The following MCPH1 variants were observed in gnomAD, a reference collection of about 807,000 sequenced individuals.
MCPH1 encodes microcephalin 1.
Under a neutral mutation model 84.5 loss-of-function variants are expected in MCPH1, and 104 were observed. That is an observed-to-expected ratio of 1.23 (90% CI 1.05 to 1.45). The LOEUF is 1.45. MCPH1 is among the 40% of genes most tolerant of loss of function. The pLI is 0.00. For missense variants in MCPH1, 1,498 were observed against 1,005.7 expected (o/e 1.49, Z -6.62); for synonymous variants, 514 against 366.8 (o/e 1.40, Z -4.58).
intron 11 of MCPH1, among the ~76,000 whole-genome samples, chr8:6,489,705 G>C (rs1424779472): frequency 6.6e-6 from 1 of 152,204 alleles, no homozygotes; most frequent in Non-Finnish European, 1.5e-5. Context: ...ATGGGGCACT[G>C]TGAAGTGTGA....
At chr8:6,447,191 C>G (rs1185692675) in intron 8 of MCPH1, 2 of 985,270 alleles carry the variant, frequency 2.0e-6, no homozygotes, top group Non-Finnish European at 2.4e-6. Flanking sequence ...AAAGATTCAT[C>G]AATGTTTTAA....
intron 12 of MCPH1, among the ~76,000 whole-genome samples, chr8:6,565,413 G>A (rs1487259105): frequency 2.0e-5 from 3 of 152,056 alleles, no homozygotes; most frequent in Non-Finnish European, 2.9e-5. Context: ...CACATATGTG[G>A]TTTTACCTTT....
At chr8:6,575,459 C>A (rs1425516087) in intron 12 of MCPH1, among the ~76,000 whole-genome samples, 1 of 152,000 alleles carries the variant, frequency 6.6e-6, no homozygotes, top group African/African-American at 2.4e-5. Flanking sequence ...TAAAGAAGAC[C>A]CAGGGTGGTC....
intron 12 of MCPH1, among the ~76,000 whole-genome samples, chr8:6,514,078 G>T (rs1024041365): frequency 1.3e-5 from 2 of 152,166 alleles, no homozygotes; most frequent in African/African-American, 4.8e-5. Context: ...ACTACTTGGG[G>T]AGCCACCAGC....
intron 13 of MCPH1, chr8:6,625,173 C>T (rs903500053): frequency 1.0e-6 from 1 of 985,236 alleles, no homozygotes; most frequent in Admixed American, 6.1e-5. Context: ...CCGTGCCTGG[C>T]CGAAATCACC....
intron 13 of MCPH1, chr8:6,627,357 T>C: frequency 1.3e-5 from 12 of 915,996 alleles, no homozygotes; most frequent in Non-Finnish European, 1.6e-5. Context: ...ACTGCCCCCT[T>C]CCAGCCCCTC....
chr8:6,452,843 G>A (rs1019918703), intron 8 of MCPH1, among the ~76,000 whole-genome samples: 8 of 152,222 alleles, frequency 5.3e-5, no homozygotes, highest in Admixed American at 2.0e-4. Flanking sequence ...AGCCCCAGCC[G>A]AAGAAGACAG....
chr8:6,625,630 G>A (rs535420744), intron 13 of MCPH1: 1 of 985,328 alleles, frequency 1.0e-6, no homozygotes, highest in Non-Finnish European at 1.2e-6. Flanking sequence ...TAGGGTCCCT[G>A]AGCGTCTTAG....
chr8:6,647,448 C>G lies in MCPH1; in HGVS notation c.*4399C>G, dbSNP rs1355426253. On this transcript the variant is annotated 3_prime_UTR_variant, in exon 14 of 14. Transcript: ENST00000344683. The stretch of plus-strand genomic sequence containing the variant: ...GGTATATAACCAAAATACATGAAAA[C>G]ATGGATCTGCACAAGGTCTTGTATA... The G allele has an allele frequency of 6.6e-6, 1 of 152,154 alleles. No homozygotes were observed. Among genetic ancestry groups the G allele is most frequent in the Non-Finnish European group, 1.5e-5 (1 of 68,028 alleles). 9.4% of individuals were successfully genotyped at this position (152,154 alleles called of 1,614,324 possible). A position where few individuals can be genotyped will look rare whatever the true frequency, so the allele number is the denominator to read the frequency against.
At chr8:6,581,327 T>C (rs1006689071) in intron 12 of MCPH1, among the ~76,000 whole-genome samples, 3 of 152,206 alleles carry the variant, frequency 2.0e-5, no homozygotes, top group African/African-American at 7.2e-5. Context: ...AATTGCAACC[T>C]CCAGCATAAA....
intron 12 of MCPH1, among the ~76,000 whole-genome samples, chr8:6,535,698 G>T (rs1014547253): frequency 1.3e-5 from 2 of 152,186 alleles, no homozygotes; most frequent in African/African-American, 4.8e-5. Context: ...AAGTCTTTGG[G>T]AGAAGAATGG....
intron 13 of MCPH1, among the ~76,000 whole-genome samples, chr8:6,623,961 T>C (rs1307441997): frequency 6.6e-6 from 1 of 152,174 alleles, no homozygotes; most frequent in Non-Finnish European, 1.5e-5. Context: ...AGGCAGTCTT[T>C]TTGGAGTTTG....
At chr8:6,487,521 A>G (rs560480606) in intron 11 of MCPH1, among the ~76,000 whole-genome samples, 10 of 152,360 alleles carry the variant, frequency 6.6e-5, no homozygotes, top group African/African-American at 2.4e-4. Context: ...AGTCTGTTCA[A>G]AAGGGATCAT....
At chr8:6,480,991 C>A in intron 11 of MCPH1, 115 bp downstream of exon 11, 1 of 1,245,042 alleles carries the variant, frequency 8.0e-7, no homozygotes, top group Non-Finnish European at 1.2e-6. Context: ...GATCTGCACA[C>A]TTTCCTGTGA....
chr8:6,424,315 T>C (rs1336748946), intron 3 of MCPH1, among the ~76,000 whole-genome samples: 1 of 152,188 alleles, frequency 6.6e-6, no homozygotes, highest in Non-Finnish European at 1.5e-5. Context: ...GGGAATACGG[T>C]TCACAGGCTT....
chr8:6,532,094 C>T (rs948892876), intron 12 of MCPH1, among the ~76,000 whole-genome samples: 2 of 152,300 alleles, frequency 1.3e-5, no homozygotes, highest in Non-Finnish European at 2.9e-5. Context: ...AAATGACTCA[C>T]ATGTCTTCAG....
At chr8:6,515,971 T>C (rs1005642560) in intron 12 of MCPH1, among the ~76,000 whole-genome samples, 2 of 152,172 alleles carry the variant, frequency 1.3e-5, no homozygotes, top group African/African-American at 4.8e-5. Context: ...TGATGCCTCA[T>C]TGCCAGTGCA....
At chr8:6,408,308 A>T (rs973997941) in intron 1 of MCPH1, among the ~76,000 whole-genome samples, 1 of 151,132 alleles carries the variant, frequency 6.6e-6, no homozygotes, top group East Asian at 2.0e-4. Flanking sequence ...ATAATAGCTC[A>T]AGCAATTCTG....
At chr8:6,612,537 G>A (rs1200699248) in intron 12 of MCPH1, among the ~76,000 whole-genome samples, 1 of 152,154 alleles carries the variant, frequency 6.6e-6, no homozygotes, top group Admixed American at 6.5e-5. Context: ...GCCCCGCTCA[G>A]TGCATGTCCT....
Sources: gnomAD v4.1 joint callset for allele counts (sites outside exome capture counted in the v4.1 genomes callset) on GRCh38, gnomAD v4.1.1 for gene constraint, MANE v1.5 for transcripts, NCBI Gene and HGNC (gene_info 2026-07-23, HGNC 2026-07-21) for gene names.